The following NWD2 variants were observed in gnomAD, a reference collection of about 807,000 sequenced individuals.
NWD2 encodes NACHT and WD repeat domain-containing protein 2.
Under a neutral mutation model 132.7 loss-of-function variants are expected in NWD2, and 37 were observed. That is an observed-to-expected ratio of 0.28 (90% CI 0.21 to 0.37). The LOEUF (loss-of-function observed/expected upper bound fraction) is 0.37. Ranked by LOEUF, NWD2 falls within the 10% of genes least tolerant of loss-of-function variation. The pLI, the probability that NWD2 is intolerant of heterozygous loss-of-function variation, is 1.00. For missense variants in NWD2, 1,592 were observed against 2,122.4 expected, an observed-to-expected ratio of 0.75 and a Z score of 4.91; for synonymous variants, 705 against 803.0, an observed-to-expected ratio of 0.88 and a Z score of 2.06.
rs78505176 is a variant in NWD2 at position 37,443,965 on chromosome 4, T to C, written c.1977T>C (p.Ser659=). 49,415 of 1,552,316 alleles carry C rather than the reference T, an allele frequency of 0.032. 893 individuals carry two copies. The highest frequency in any genetic ancestry group is 0.078 in the Middle Eastern group (465 of 5,998). Residue 659 remains serine (S), a synonymous_variant, in exon 7 of 7, where the codon TCT becomes TCC. Coordinates refer to ENST00000309447, the MANE Select transcript of NWD2 (RefSeq NM_001144990.2). This position sits in a 1 kb window ranked among gnomAD's most constrained non-coding sequence, Gnocchi z 4.1. ...LEKKCGQKLV[S]RALGYITMAK... Reference sequence around the variant, plus strand: ...AGAAGTGTGGTCAGAAACTGGTCTCTAGGGCTCTTGGTTACATCACCATGG... The same window carrying C: ...AGAAGTGTGGTCAGAAACTGGTCTCCAGGGCTCTTGGTTACATCACCATGG...
chr4:37,337,467 A>G (rs1014464806), intron 2 of NWD2, among the ~76,000 whole-genome samples: 1 of 152,162 alleles, frequency 6.6e-6, no homozygotes, highest in African/African-American at 2.4e-5. Flanking sequence ...AGCTCACCCT[A>G]GCAGGAAGAT....
At chr4:37,402,851 C>T (rs1720923289) in intron 3 of NWD2, among the ~76,000 whole-genome samples, 1 of 152,216 alleles carries the variant, frequency 6.6e-6, no homozygotes. Context: ...TTAACCATCA[C>T]TATTGTCTTT....
At chr4:37,261,081 G>T (rs1159856159) in intron 1 of NWD2, among the ~76,000 whole-genome samples, 1 of 152,200 alleles carries the variant, frequency 6.6e-6, no homozygotes, top group Non-Finnish European at 1.5e-5. Flanking sequence ...GGTCAAGCTT[G>T]TAGAGTGTTT....
intron 1 of NWD2, among the ~76,000 whole-genome samples, chr4:37,323,830 CAT>C (rs1428902426): frequency 6.9e-6 from 1 of 145,362 alleles, no homozygotes; most frequent in African/African-American, 2.6e-5. Context: ...AAATGTGGCA[CAT>C]ATACACCATG....
intron 1 of NWD2, among the ~76,000 whole-genome samples, chr4:37,265,987 G>A (rs148913523): frequency 1.3e-5 from 2 of 152,126 alleles, no homozygotes; most frequent in Non-Finnish European, 2.9e-5. Context: ...GATTCTTTAA[G>A]AACACTACAG....
chr4:37,274,969 TATC>T (rs896725564), intron 1 of NWD2, among the ~76,000 whole-genome samples: 112 of 152,198 alleles, frequency 7.4e-4, no homozygotes, highest in African/African-American at 2.4e-3. Context: ...GCACAGCCAA[TATC>T]ATACTGAATG....
chr4:37,386,798 A>G (rs1275951239), intron 3 of NWD2, among the ~76,000 whole-genome samples: 1 of 149,484 alleles, frequency 6.7e-6, no homozygotes, highest in Non-Finnish European at 1.5e-5. Flanking sequence ...AGTTGGTACC[A>G]TTCCCACAGT....
chr4:37,445,069 T>C lies in NWD2; in HGVS notation c.3081T>C (p.Ala1027=). The part of the protein sequence containing the change: ...LTSDEKYLVV[A]TTNNTLLIYD... ...GTGATGAAAAGTACCTTGTGGTGGC[T>C]ACAACAAATAACACCTTGTTGATTT... Residue 1027 remains alanine, a synonymous_variant, in exon 7 of 7, where the codon GCT becomes GCC. Transcript: ENST00000309447. This position sits in a 1 kb window ranked among gnomAD's most constrained non-coding sequence, Gnocchi z 4.7. 1 of 1,551,786 alleles carries C rather than the reference T, an allele frequency of 6.4e-7. No homozygotes were observed. Among genetic ancestry groups the C allele is most frequent in the Non-Finnish European group, 8.7e-7 (1 of 1,147,020 alleles).
intron 1 of NWD2, among the ~76,000 whole-genome samples, chr4:37,259,344 A>G (rs1005184504): frequency 1.3e-5 from 2 of 152,238 alleles, no homozygotes; most frequent in Non-Finnish European, 2.9e-5. Context: ...CCAAATATGT[A>G]AGACTTAAAC....
At position 37,395,584 on chromosome 4, in the gene NWD2, C is replaced by CAAA. The variant is rs1156884728; in HGVS notation, c.358-34965_358-34963dup. Among the ~76,000 whole-genome samples, 177 of 18,268 alleles carry CAAA rather than the reference C, an allele frequency of 9.7e-3. 29 individuals are homozygous for CAAA. The highest frequency in any genetic ancestry group is 0.029 in the African/African-American group (149 of 5,194). 12.0% of individuals were successfully genotyped at this position (18,268 alleles called of 152,430 possible). A position where few individuals can be genotyped will look rare whatever the true frequency, so the allele number is the denominator to read the frequency against. On this transcript the variant is annotated intron_variant, in intron 3 of 6. Transcript: ENST00000309447. ...GGGCAACAAGAGCGAAACTCTGTCT[C>CAAA]AAAAAAAAAAAAAAAAAAAAAAAAA...
At chr4:37,418,279 A>G (rs1295352895) in intron 3 of NWD2, among the ~76,000 whole-genome samples, 1 of 125,104 alleles carries the variant, frequency 8.0e-6, no homozygotes, top group African/African-American at 3.0e-5. Context: ...ATCTGAATAA[A>G]TATCAATGAG....
chr4:37,259,408 T>C (rs1717585639), intron 1 of NWD2, among the ~76,000 whole-genome samples: 1 of 152,122 alleles, frequency 6.6e-6, no homozygotes, highest in African/African-American at 2.4e-5. Context: ...ATACACAAAA[T>C]AGGTGCTCAG....
intron 1 of NWD2, among the ~76,000 whole-genome samples, chr4:37,304,673 GC>G (rs557173567): frequency 1.4e-4 from 21 of 152,168 alleles, no homozygotes; most frequent in Non-Finnish European, 2.9e-4. Flanking sequence ...AAATCTTAAA[GC>G]CCCAAAATAA....
At chr4:37,280,303 C>G (rs1442781326) in intron 1 of NWD2, among the ~76,000 whole-genome samples, 2 of 152,162 alleles carry the variant, frequency 1.3e-5, no homozygotes, top group African/African-American at 2.4e-5. Flanking sequence ...ATTATTTACT[C>G]TAGTTCAGGA....
At position 37,439,311 on chromosome 4, in the gene NWD2, C is replaced by G; in HGVS notation, c.1217C>G (p.Ala406Gly). 1 of 1,549,450 alleles carries G rather than the reference C, an allele frequency of 6.5e-7. No individual in the cohort carries two copies. Among genetic ancestry groups the G allele is most frequent in the South Asian group, 1.2e-5 (1 of 83,578 alleles). Residue 406 changes from alanine (A) to glycine (G), a missense_variant, in exon 6 of 7, where the codon GCT becomes GGT. Physicochemically the swap from Ala to Gly is moderately conservative, Grantham distance 60. This residue lies in a region of NWD2 where 1,071 missense variants were observed against 1,398.0 expected (regional missense o/e 0.77). Transcript: ENST00000309447. This position sits in a 1 kb window ranked among gnomAD's most constrained non-coding sequence, Gnocchi z 4.5. ...IVHNYILPSK[A>G]GHINPLIIYG... ...CATAACTACATTCTTCCAAGCAAAGCTGGACACATCAACCCTCTTATTATA... is the reference window on the plus strand; with the variant it reads ...CATAACTACATTCTTCCAAGCAAAGGTGGACACATCAACCCTCTTATTATA...
At chr4:37,287,330 T>A (rs538919676) in intron 1 of NWD2, among the ~76,000 whole-genome samples, 2 of 151,162 alleles carry the variant, frequency 1.3e-5, no homozygotes, top group African/African-American at 4.9e-5. Flanking sequence ...CTTAGCCTTT[T>A]GAGCTTTTTG....
At chr4:37,367,787 G>C (rs182329959) in intron 3 of NWD2, among the ~76,000 whole-genome samples, 4 of 152,016 alleles carry the variant, frequency 2.6e-5, no homozygotes, top group African/African-American at 9.7e-5. Flanking sequence ...TTATTTCTCC[G>C]TCTCTATCAG....
At chr4:37,388,631 A>G (rs984330283) in intron 3 of NWD2, among the ~76,000 whole-genome samples, 24 of 147,388 alleles carry the variant, frequency 1.6e-4, no homozygotes, top group Non-Finnish European at 4.5e-5. Flanking sequence ...TTTATGTTAT[A>G]TATCATATAT....
At chr4:37,348,675 TACACACACAC>T (rs1172614596) in intron 2 of NWD2, among the ~76,000 whole-genome samples, 1 of 22,572 alleles carries the variant, frequency 4.4e-5, no homozygotes, top group Non-Finnish European at 7.6e-5. Context: ...TATATATATA[TACACACACAC>T]ACACACACAC....
Sources: gnomAD v4.1 joint callset for allele counts (sites outside exome capture counted in the v4.1 genomes callset) on GRCh38, gnomAD v4.1.1 for gene constraint, gnomAD v4.1.1 regional missense constraint, Gnocchi (gnomAD v3.1) non-coding constraint, MANE v1.5 for transcripts, NCBI Gene and HGNC (gene_info 2026-07-23, HGNC 2026-07-21) for gene names.